Variants in NR6A1 observed in about 807,000 individuals in gnomAD.
The protein encoded by NR6A1 is nuclear receptor subfamily 6 group A member 1, also known as retinoic acid receptor-related testis-associated receptor.
In NR6A1, 7 loss-of-function variants were observed where a neutral mutation model predicts 59.1. The observed-to-expected ratio is 0.12, with a 90% confidence interval of 0.07 to 0.22. NR6A1 has a LOEUF of 0.22. NR6A1 is among the 10% of genes least tolerant of loss of function. The pLI, the probability that NR6A1 is intolerant of heterozygous loss-of-function variation, is 1.00. For missense variants in NR6A1, 468 were observed against 611.6 expected (o/e 0.77, Z 2.48); for synonymous variants, 243 against 236.1 (o/e 1.03, Z -0.27).
chr9:124,628,132 A>G (rs1836305133), intron 2 of NR6A1, among the ~76,000 whole-genome samples: 1 of 151,908 alleles, frequency 6.6e-6, no homozygotes, highest in Admixed American at 6.5e-5. Context: ...GATTTAAGTG[A>G]TTCTCCTGCC....
At chr9:124,597,705 GAT>G (rs1835317669) in intron 2 of NR6A1, among the ~76,000 whole-genome samples, 1 of 152,124 alleles carries the variant, frequency 6.6e-6, no homozygotes, top group African/African-American at 2.4e-5. Flanking sequence ...TTCATCTTTG[GAT>G]ATAGAGCCAC....
intron 2 of NR6A1, among the ~76,000 whole-genome samples, chr9:124,629,828 G>T (rs982351317): frequency 1.3e-5 from 2 of 152,124 alleles, no homozygotes; most frequent in Admixed American, 6.6e-5. Context: ...CACTCATGTG[G>T]TTTTTTTAAA....
At chr9:124,719,872 G>A (rs776372234) in intron 2 of NR6A1, among the ~76,000 whole-genome samples, 1 of 151,992 alleles carries the variant, frequency 6.6e-6, no homozygotes, top group Non-Finnish European at 1.5e-5. Flanking sequence ...AGTGAGCCAT[G>A]ATCGCACCAT....
At chr9:124,657,225 T>C (rs1198780653) in intron 2 of NR6A1, among the ~76,000 whole-genome samples, 1 of 152,140 alleles carries the variant, frequency 6.6e-6, no homozygotes, top group Non-Finnish European at 1.5e-5. Flanking sequence ...TCTGGGGTAG[T>C]CCTCATATGG....
intron 2 of NR6A1, among the ~76,000 whole-genome samples, chr9:124,561,810 G>A (rs1319420241): frequency 6.6e-6 from 1 of 152,166 alleles, no homozygotes; most frequent in Non-Finnish European, 1.5e-5. Context: ...TACTCGGGAG[G>A]CTGGGGCAGA....
intron 2 of NR6A1, among the ~76,000 whole-genome samples, chr9:124,684,458 G>A (rs1838265808): frequency 6.6e-6 from 1 of 152,164 alleles, no homozygotes; most frequent in South Asian, 2.1e-4. Context: ...AAAGGCTTCT[G>A]TAATGCCTTT....
intron 2 of NR6A1, among the ~76,000 whole-genome samples, chr9:124,640,522 C>T (rs761405929): frequency 6.6e-6 from 1 of 152,088 alleles, no homozygotes; most frequent in Non-Finnish European, 1.5e-5. Flanking sequence ...ACCTCAGCCT[C>T]CCAAGTGGCT....
At chr9:124,747,562 T>A (rs1018695269) in intron 1 of NR6A1, among the ~76,000 whole-genome samples, 1 of 152,166 alleles carries the variant, frequency 6.6e-6, no homozygotes, top group African/African-American at 2.4e-5. Context: ...CAAATGTCTA[T>A]TGTCAATGTC....
At chr9:124,652,807 T>A (rs1735502084) in intron 2 of NR6A1, among the ~76,000 whole-genome samples, 1 of 152,142 alleles carries the variant, frequency 6.6e-6, no homozygotes, top group African/African-American at 2.4e-5. Flanking sequence ...AAGCCAAGAT[T>A]AGCTCAAGGC....
At chr9:124,656,790 C>T (rs1005536397) in intron 2 of NR6A1, among the ~76,000 whole-genome samples, 6 of 152,140 alleles carry the variant, frequency 3.9e-5, no homozygotes, top group Non-Finnish European at 8.8e-5. Flanking sequence ...CAAGACAGTG[C>T]CATTGCATCC....
intron 2 of NR6A1, among the ~76,000 whole-genome samples, chr9:124,716,565 T>A (rs755901306): frequency 1.3e-5 from 2 of 152,046 alleles, no homozygotes; most frequent in Non-Finnish European, 2.9e-5. Context: ...GACGGACTTA[T>A]ATGTTATATG....
chr9:124,563,431 C>T (rs1018542336), intron 2 of NR6A1, among the ~76,000 whole-genome samples: 1 of 152,204 alleles, frequency 6.6e-6, no homozygotes, highest in Non-Finnish European at 1.5e-5. Context: ...CCAGCTCTGC[C>T]ACTTGCCAGT....
Position 124,522,744 on chromosome 9 carries a change from C to T in NR6A1, c.1404G>A (p.Val468=). Residue 468 remains valine, a synonymous_variant, in exon 10 of 10, where the codon GTG becomes GTA. Transcript: ENST00000487099. ...CACTGGTCTTGCAGGAATGCAGCAC[C>T]ACCTTAAAGAGGAGGGGCAGCTGCT... The part of the protein sequence containing the change: ...PLEQLPLLFK[V]VLHSCKTSVG... 1 of 1,593,550 alleles carries T rather than the reference C, an allele frequency of 6.3e-7. No homozygotes were observed.
Position 124,643,433 on chromosome 9 carries a change from T to G in NR6A1, c.143-88863A>C, listed in dbSNP as rs1321248881. On this transcript the variant is annotated intron_variant, in intron 2 of 9. Coordinates refer to ENST00000487099, the MANE Select transcript of NR6A1 (RefSeq NM_033334.4). Reference sequence around the variant, plus strand: ...CTGGGCAACATGATGAAACCCCATTTCTACCAAAAATACAAAAATTAGCCA... The same window carrying G: ...CTGGGCAACATGATGAAACCCCATTGCTACCAAAAATACAAAAATTAGCCA... 4.0e-5 allele frequency among the ~76,000 whole-genome samples: 6 copies of G among 151,778 alleles called. No individual in the cohort carries two copies. In the East Asian group the frequency reaches 1.2e-3, roughly 29 times the overall value.
intron 2 of NR6A1, among the ~76,000 whole-genome samples, chr9:124,720,127 G>C (rs188512136): frequency 6.6e-6 from 1 of 151,806 alleles, no homozygotes; most frequent in Non-Finnish European, 1.5e-5. Flanking sequence ...AGCTCACTGC[G>C]GCCTCCACCT....
intron 9 of NR6A1, among the ~76,000 whole-genome samples, chr9:124,523,433 G>A (rs1328063060): frequency 6.6e-6 from 1 of 152,090 alleles, no homozygotes; most frequent in Admixed American, 6.6e-5. Flanking sequence ...GAGTGACCTG[G>A]GGAGCCGTTC....
intron 2 of NR6A1, among the ~76,000 whole-genome samples, chr9:124,592,364 T>C (rs993923087): frequency 2.0e-5 from 3 of 152,212 alleles, no homozygotes; most frequent in Non-Finnish European, 4.4e-5. Flanking sequence ...GTTAGTAATA[T>C]TTGTATGTCC....
At chr9:124,534,052 A>G (rs1330557712) in intron 7 of NR6A1, among the ~76,000 whole-genome samples, 1 of 151,344 alleles carries the variant, frequency 6.6e-6, no homozygotes, top group Non-Finnish European at 1.5e-5. Context: ...CTATTTAAAT[A>G]CAAACTAAGC....
chr9:124,664,584 G>A (rs967799033), intron 2 of NR6A1, among the ~76,000 whole-genome samples: 3 of 152,174 alleles, frequency 2.0e-5, no homozygotes, highest in South Asian at 4.1e-4. Flanking sequence ...GCAGACAGAC[G>A]GATTAGACAG....
Sources: allele counts gnomAD v4.1 joint callset (sites outside exome capture counted in the v4.1 genomes callset), GRCh38; gene constraint gnomAD v4.1.1; transcripts MANE v1.5; gene names NCBI Gene and HGNC (gene_info 2026-07-23, HGNC 2026-07-21).